The following NCAM2 variants were observed in gnomAD, a reference collection of about 807,000 sequenced individuals.
NCAM2 encodes neural cell adhesion molecule 2, also known as N-CAM-2.
Under a neutral mutation model 98.1 loss-of-function variants are expected in NCAM2, and 30 were observed. The ratio of observed to expected loss-of-function variants is 0.31; its 90% CI spans 0.23 to 0.41. The LOEUF is 0.41. Among genes scored for constraint, NCAM2 ranks in the 10% least tolerant of loss-of-function variants. The pLI, the probability that NCAM2 is intolerant of heterozygous loss-of-function variation, is 1.00. For synonymous variants in NCAM2, 368 were observed against 342.4 expected, an observed-to-expected ratio of 1.07 and a Z score of -0.83; for missense variants, 867 against 1,005.8, an observed-to-expected ratio of 0.86 and a Z score of 1.87.
At chr21:21,010,092 A>G (rs1006663812) in intron 1 of NCAM2, among the ~76,000 whole-genome samples, 3 of 152,052 alleles carry the variant, frequency 2.0e-5, no homozygotes, top group African/African-American at 4.8e-5. Flanking sequence ...TTTAACTGGA[A>G]ACACAGTTTG....
chr21:21,379,580 A>G (rs1200744457), intron 9 of NCAM2, among the ~76,000 whole-genome samples: 1 of 151,998 alleles, frequency 6.6e-6, no homozygotes, highest in East Asian at 1.9e-4. Flanking sequence ...TTTTGCTGTT[A>G]TTGATTTCTA....
At chr21:21,349,566 A>G (rs567595225) in intron 8 of NCAM2, among the ~76,000 whole-genome samples, 1 of 152,300 alleles carries the variant, frequency 6.6e-6, no homozygotes, top group Non-Finnish European at 1.5e-5. Flanking sequence ...TGATTCAACA[A>G]TCCCACTCCT....
intron 16 of NCAM2, among the ~76,000 whole-genome samples, chr21:21,529,555 A>G (rs910216375): frequency 1.3e-5 from 2 of 152,138 alleles, no homozygotes; most frequent in South Asian, 4.1e-4. Flanking sequence ...TAACCACAGT[A>G]TACCCTTTTA....
chr21:21,194,486 A>T lies in NCAM2; in HGVS notation c.56-86092A>T, dbSNP rs1002767824. Among the ~76,000 whole-genome samples, 8 of 152,154 alleles carry T rather than the reference A, an allele frequency of 5.3e-5. 1 individual carries two copies. The South Asian group carries it at 1.5e-3, about 28-fold the overall frequency. ...ATGGACACAAAATTTAACTAGTTCAAGGTAGTTTACACTAGTAAGGGGCAA... is the reference window on the plus strand; with the variant it reads ...ATGGACACAAAATTTAACTAGTTCATGGTAGTTTACACTAGTAAGGGGCAA... On this transcript the variant is annotated intron_variant, in intron 1 of 17. Coordinates refer to ENST00000400546, the MANE Select transcript of NCAM2 (RefSeq NM_004540.5).
intron 15 of NCAM2, among the ~76,000 whole-genome samples, chr21:21,492,811 T>C (rs763869396): frequency 1.6e-4 from 25 of 152,046 alleles, no homozygotes; most frequent in Admixed American, 7.9e-4. Context: ...AAAACAAGTA[T>C]TCAAGATAGA....
At chr21:21,420,386 C>T (rs1024181829) in intron 11 of NCAM2, among the ~76,000 whole-genome samples, 1 of 151,652 alleles carries the variant, frequency 6.6e-6, no homozygotes, top group African/African-American at 2.4e-5. Flanking sequence ...ATAAGGAATC[C>T]TAAAATACAT....
intron 1 of NCAM2, among the ~76,000 whole-genome samples, chr21:21,197,632 G>A (rs1021814423): frequency 7.2e-5 from 11 of 152,150 alleles, no homozygotes; most frequent in Non-Finnish European, 1.3e-4. Flanking sequence ...TGATGAACAC[G>A]TTGCATTTTC....
intron 1 of NCAM2, among the ~76,000 whole-genome samples, chr21:21,214,134 A>C (rs76858217): frequency 4.3e-4 from 66 of 152,214 alleles, no homozygotes; most frequent in African/African-American, 1.6e-3. Flanking sequence ...GATGTGTAGG[A>C]AGTTGAGCTC....
At chr21:21,391,244 A>G (rs1281506653) in intron 9 of NCAM2, among the ~76,000 whole-genome samples, 1 of 152,170 alleles carries the variant, frequency 6.6e-6, no homozygotes, top group African/African-American at 2.4e-5. Context: ...CACTAGAAAT[A>G]GACTGTTAGT....
chr21:21,306,405 A>G (rs1423639554), intron 5 of NCAM2, among the ~76,000 whole-genome samples: 1 of 152,150 alleles, frequency 6.6e-6, no homozygotes, highest in Non-Finnish European at 1.5e-5. Flanking sequence ...CTCCTGATGA[A>G]TTGACGTCTT....
rs543915627 is a variant in NCAM2, at chr21:21,426,841, G to A, written c.1481-5267G>A. Among the ~76,000 whole-genome samples, 8 of 152,300 alleles carry A rather than the reference G, an allele frequency of 5.3e-5. No individual in the cohort carries two copies. In the South Asian group the frequency reaches 1.7e-3, roughly 32 times the overall value. ...AACTTAGAACCATAGCAGCAAGTCAGTCTAGGAAATGAAGATTTTAGCCTG... is the reference window on the plus strand; with the variant it reads ...AACTTAGAACCATAGCAGCAAGTCAATCTAGGAAATGAAGATTTTAGCCTG... On this transcript the variant is annotated intron_variant, in intron 11 of 17. Coordinates refer to ENST00000400546, the MANE Select transcript of NCAM2 (RefSeq NM_004540.5).
At chr21:21,449,004 C>T (rs1460224830) in intron 12 of NCAM2, among the ~76,000 whole-genome samples, 1 of 151,892 alleles carries the variant, frequency 6.6e-6, no homozygotes, top group East Asian at 1.9e-4. Flanking sequence ...TATACAGGCA[C>T]TAAGCTAAGA....
At chr21:21,532,043 G>A (rs1185829560) in intron 16 of NCAM2, among the ~76,000 whole-genome samples, 5 of 151,570 alleles carry the variant, frequency 3.3e-5, no homozygotes, top group Non-Finnish European at 7.4e-5. Context: ...TAGGAGATTC[G>A]ACATGTAAAT....
intron 9 of NCAM2, among the ~76,000 whole-genome samples, chr21:21,389,682 T>G (rs889294629): frequency 2.6e-5 from 4 of 152,192 alleles, no homozygotes; most frequent in African/African-American, 9.7e-5. Flanking sequence ...GAACATTGTC[T>G]TTTACCGCCT....
chr21:20,998,740 T>C (rs2063965477), intron 1 of NCAM2, 122 bp downstream of exon 1: 1 of 945,504 alleles, frequency 1.1e-6, no homozygotes, highest in African/African-American at 1.7e-5. Context: ...ATTGCTGTTG[T>C]TGTTATTATT....
chr21:21,062,628 C>T (rs567715629), intron 1 of NCAM2, among the ~76,000 whole-genome samples: 1 of 152,238 alleles, frequency 6.6e-6, no homozygotes, highest in Admixed American at 6.5e-5. Flanking sequence ...TTGTTTAAGC[C>T]GCCTAGTTTG....
At chr21:21,373,501 CA>C (rs897562986) in intron 8 of NCAM2, among the ~76,000 whole-genome samples, 1 of 151,708 alleles carries the variant, frequency 6.6e-6, no homozygotes, top group African/African-American at 2.4e-5. Flanking sequence ...ACAAGTAATT[CA>C]AAATAATTGG....
chr21:21,087,120 AAGTCCTTTCATGGTAATCACT>A (rs869216237), intron 1 of NCAM2, among the ~76,000 whole-genome samples: 3 of 151,728 alleles, frequency 2.0e-5, no homozygotes, highest in Non-Finnish European at 4.4e-5. Flanking sequence ...ATTTTCCCTT[AAGTCCTTTCATGGTAATCACT>A]AGCATTAGAA....
chr21:21,351,196 GAGTT>G (rs1367748509), intron 8 of NCAM2, among the ~76,000 whole-genome samples: 1 of 145,760 alleles, frequency 6.9e-6, no homozygotes, highest in Non-Finnish European at 1.5e-5. Flanking sequence ...CTATTTTATT[GAGTT>G]AGTTGTCACT....
Sources: allele counts gnomAD v4.1 joint callset (sites outside exome capture counted in the v4.1 genomes callset), GRCh38; gene constraint gnomAD v4.1.1; transcripts MANE v1.5; gene names NCBI Gene and HGNC (gene_info 2026-07-23, HGNC 2026-07-21).